The following LHFPL3 variants were observed in gnomAD, a reference collection of about 807,000 sequenced individuals.
LHFPL3 encodes LHFPL tetraspan subfamily member 3 protein.
A neutral mutation model predicts 19.3 loss-of-function variants in LHFPL3; 5 were observed. The ratio of observed to expected loss-of-function variants is 0.26; its 90% CI spans 0.14 to 0.54. The LOEUF is 0.54. Among genes scored for constraint, LHFPL3 ranks in the 20% least tolerant of loss-of-function variants. The pLI is 0.94. For synonymous variants in LHFPL3, 133 were observed against 126.2 expected (o/e 1.05, Z -0.36); for missense variants, 249 against 307.4 (o/e 0.81, Z 1.42).
chr7:104,363,393 G>A (rs1171685093), intron 1 of LHFPL3, among the ~76,000 whole-genome samples: 3 of 152,260 alleles, frequency 2.0e-5, no homozygotes, highest in East Asian at 3.8e-4. Context: ...ATGTTGGAAG[G>A]ATAAGTATGT....
chr7:104,433,826 C>T (rs761673661), intron 1 of LHFPL3, among the ~76,000 whole-genome samples: 2 of 152,140 alleles, frequency 1.3e-5, no homozygotes, highest in Non-Finnish European at 1.5e-5. Context: ...TGACTTCTGT[C>T]TTCCCTTCTA....
chr7:104,642,555 A>G (rs1362636884), intron 1 of LHFPL3, among the ~76,000 whole-genome samples: 1 of 152,184 alleles, frequency 6.6e-6, no homozygotes. Flanking sequence ...TCTAGAGCTC[A>G]GTATAAGTTG....
intron 1 of LHFPL3, among the ~76,000 whole-genome samples, chr7:104,469,878 A>G (rs529250375): frequency 7.2e-5 from 11 of 152,208 alleles, no homozygotes; most frequent in African/African-American, 4.8e-5. Context: ...TGTGAGATAA[A>G]TGATATATTA....
At chr7:104,888,688 G>T (rs994831856) in intron 2 of LHFPL3, among the ~76,000 whole-genome samples, 1 of 152,208 alleles carries the variant, frequency 6.6e-6, no homozygotes, top group African/African-American at 2.4e-5. Context: ...AGATTTCCTT[G>T]TAAGTAGATA....
intron 1 of LHFPL3, among the ~76,000 whole-genome samples, chr7:104,445,548 A>G (rs566827750): frequency 4.1e-4 from 62 of 152,316 alleles, no homozygotes; most frequent in African/African-American, 1.4e-3. Flanking sequence ...GTTCTCACAG[A>G]CTTGAGAAAT....
At chr7:104,396,848 T>G (rs1267592242) in intron 1 of LHFPL3, among the ~76,000 whole-genome samples, 3 of 151,922 alleles carry the variant, frequency 2.0e-5, no homozygotes, top group African/African-American at 7.3e-5. Context: ...CCTGCGTCTG[T>G]GGTCCTAGCT....
chr7:104,893,551 A>G (rs968964783), intron 2 of LHFPL3, among the ~76,000 whole-genome samples: 2 of 152,112 alleles, frequency 1.3e-5, no homozygotes, highest in African/African-American at 4.8e-5. Context: ...AAATAACTAT[A>G]TAGAAGTAAC....
chr7:104,725,689 G>C (rs1224312313), intron 1 of LHFPL3, among the ~76,000 whole-genome samples: 1 of 152,130 alleles, frequency 6.6e-6, no homozygotes, highest in Non-Finnish European at 1.5e-5. Context: ...GTACTGACTA[G>C]TGACTGCTGG....
chr7:104,745,815 G>C (rs919485593), intron 2 of LHFPL3, among the ~76,000 whole-genome samples: 5 of 152,174 alleles, frequency 3.3e-5, no homozygotes. Flanking sequence ...TCAAGAATTG[G>C]TCCAGACAGA....
chr7:104,775,236 G>GCCGTCTCTACTAAAAATA (rs1794619670), intron 2 of LHFPL3, among the ~76,000 whole-genome samples: 2 of 151,568 alleles, frequency 1.3e-5, no homozygotes, highest in African/African-American at 4.9e-5. Context: ...TACTAAAAAT[G>GCCGTCTCTACTAAAAATA]CAAACAAAAA....
intron 2 of LHFPL3, among the ~76,000 whole-genome samples, chr7:104,834,735 T>C (rs1042347633): frequency 6.6e-6 from 1 of 151,986 alleles, no homozygotes; most frequent in Non-Finnish European, 1.5e-5. Flanking sequence ...GCATGGCCCA[T>C]GCAGGTCCTG....
At chr7:104,585,052 C>T (rs887149721) in intron 1 of LHFPL3, among the ~76,000 whole-genome samples, 10 of 152,088 alleles carry the variant, frequency 6.6e-5, no homozygotes, top group Admixed American at 2.6e-4. Flanking sequence ...AATGTTGTGG[C>T]CCTCTGCCAT....
chr7:104,681,480 G>A (rs1395564566), intron 1 of LHFPL3, among the ~76,000 whole-genome samples: 1 of 152,012 alleles, frequency 6.6e-6, no homozygotes, highest in Admixed American at 6.5e-5. Flanking sequence ...AAATTAGCCG[G>A]GTGTGGTGGT....
chr7:104,819,705 G>A (rs1254444496), intron 2 of LHFPL3, among the ~76,000 whole-genome samples: 7 of 152,138 alleles, frequency 4.6e-5, no homozygotes, highest in South Asian at 2.1e-4. Context: ...AAGTAATCAC[G>A]ACCTTTTGGG....
At chr7:104,782,293 TC>T (rs1312795040) in intron 2 of LHFPL3, among the ~76,000 whole-genome samples, 1 of 152,158 alleles carries the variant, frequency 6.6e-6, no homozygotes, top group East Asian at 1.9e-4. Flanking sequence ...GAACAAGTGC[TC>T]CAAGAGAAAG....
At chr7:104,633,900 A>G (rs1237475306) in intron 1 of LHFPL3, among the ~76,000 whole-genome samples, 2 of 152,040 alleles carry the variant, frequency 1.3e-5, no homozygotes, top group Admixed American at 6.6e-5. Context: ...TTTCCTTGCT[A>G]CCCATTTTGT....
chr7:104,599,121 A>C (rs1334368623), intron 1 of LHFPL3, among the ~76,000 whole-genome samples: 1 of 152,224 alleles, frequency 6.6e-6, no homozygotes, highest in Non-Finnish European at 1.5e-5. Context: ...CTCACTTATG[A>C]TTCTTACAGA....
chr7:104,602,814 G>C (rs796539403), intron 1 of LHFPL3, among the ~76,000 whole-genome samples: 48 of 152,276 alleles, frequency 3.2e-4, no homozygotes, highest in African/African-American at 1.1e-3. Flanking sequence ...CATCTAGTGA[G>C]GACCTTATTG....
intron 1 of LHFPL3, among the ~76,000 whole-genome samples, chr7:104,370,840 C>G (rs975211463): frequency 2.0e-5 from 3 of 152,146 alleles, no homozygotes; most frequent in African/African-American, 7.2e-5. Context: ...TGAGATGGCA[C>G]CACTGCATTC....
Sources: allele counts gnomAD v4.1 joint callset (sites outside exome capture counted in the v4.1 genomes callset), GRCh38; gene constraint gnomAD v4.1.1; transcripts MANE v1.5; gene names NCBI Gene and HGNC (gene_info 2026-07-23, HGNC 2026-07-21).